Variants in CDH23 observed in about 807,000 individuals in gnomAD.
CDH23 encodes cadherin related 23, also known as cadherin-23.
In CDH23, 189 loss-of-function variants were observed where a neutral mutation model predicts 317.1. That is an observed-to-expected ratio of 0.60 (90% CI 0.53 to 0.67). CDH23 has a LOEUF of 0.67. CDH23 is among the 30% of genes least tolerant of loss of function. The pLI is 0.00. For missense variants in CDH23, 4,401 were observed against 4,592.4 expected (o/e 0.96, Z 1.20); for synonymous variants, 1,839 against 1,876.8 (o/e 0.98, Z 0.52).
At chr10:71,423,170 A>G (rs1848890822) in intron 1 of CDH23, among the ~76,000 whole-genome samples, 1 of 152,162 alleles carries the variant, frequency 6.6e-6, no homozygotes, top group African/African-American at 2.4e-5. Flanking sequence ...AGTGAAAGAG[A>G]CAGGCGTGTG....
chr10:71,812,028 C>T lies in CDH23; in HGVS notation c.9380+13C>T, dbSNP rs1285144897. On this transcript the variant is annotated intron_variant, in intron 66 of 69. Coordinates refer to ENST00000224721, the MANE Select transcript of CDH23 (RefSeq NM_022124.6). ...ACTCCTTTGATGGGTGAGTGGGGTACTGGCCCTGCCCGGTCCCCTGCGGGG... is the reference window on the plus strand; with the variant it reads ...ACTCCTTTGATGGGTGAGTGGGGTATTGGCCCTGCCCGGTCCCCTGCGGGG... The T allele has an allele frequency of 6.2e-7, 1 of 1,613,890 alleles. No individual in the cohort carries two copies. The highest frequency in any genetic ancestry group is 8.5e-7 in the Non-Finnish European group (1 of 1,179,892).
intron 69 of CDH23, among the ~76,000 whole-genome samples, chr10:71,813,752 C>CA (rs1268919253): frequency 1.3e-5 from 2 of 152,024 alleles, no homozygotes; most frequent in African/African-American, 4.8e-5. Flanking sequence ...ACTAAAAATA[C>CA]AAAAAATTAG....
intron 6 of CDH23, among the ~76,000 whole-genome samples, chr10:71,512,476 C>G (rs1854049003): frequency 6.6e-6 from 1 of 152,342 alleles, no homozygotes; most frequent in South Asian, 2.1e-4. Context: ...TGGAAGTCTC[C>G]CTAATTTAAT....
Position 71,532,046 on chromosome 10 carries a change from A to G in CDH23, c.429+20834A>G, listed in dbSNP as rs571731851. On this transcript the variant is annotated intron_variant, in intron 6 of 69. Coordinates refer to ENST00000224721, the MANE Select transcript of CDH23 (RefSeq NM_022124.6). ...CAAAAATGGGGAGTCCCTCAGAGAG[A>G]CCCCAGAGCAAAAGGTAGGAAAAGC... Among the ~76,000 whole-genome samples, 55 of 152,214 alleles carry G rather than the reference A, an allele frequency of 3.6e-4. No homozygotes were observed. In the South Asian group the frequency reaches 0.011, roughly 29 times the overall value.
In CDH23 at chr10:71,810,024, T is replaced by G; in HGVS notation, c.8927T>G (p.Ile2976Ser). ...DRVRGFEEEF[I>S]HLLSNITGAI... ...GTGCGCGGCTTCGAGGAGGAGTTCA[T>G]CCACCTGCTCTCCAACATCACTGGG... Residue 2976 changes from isoleucine (I) to serine (S), a missense_variant, in exon 61 of 70, where the codon ATC becomes AGC. Around this residue, in one of 3 missense-constraint regions of CDH23, gnomAD observed 1,144 missense variants for 1,138.2 expected, o/e 1.01. Transcript: ENST00000224721. 6.2e-7 allele frequency: 1 copy of G among 1,612,672 alleles called. No individual in the cohort carries two copies. Among genetic ancestry groups the G allele is most frequent in the Non-Finnish European group, 8.5e-7 (1 of 1,179,858 alleles).
At chr10:71,564,671 C>T (rs956360321) in intron 6 of CDH23, among the ~76,000 whole-genome samples, 6 of 152,240 alleles carry the variant, frequency 3.9e-5, no homozygotes, top group Non-Finnish European at 8.8e-5. Flanking sequence ...TCACGGGAGC[C>T]GTCCCTCTCC....
intron 36 of CDH23, among the ~76,000 whole-genome samples, chr10:71,740,034 G>A (rs915722146): frequency 1.3e-5 from 2 of 152,212 alleles, no homozygotes; most frequent in African/African-American, 4.8e-5. Context: ...GAGCCAGGAG[G>A]ATGAGGGAGA....
intron 3 of CDH23, among the ~76,000 whole-genome samples, chr10:71,496,335 ATTTT>A (rs59975648): frequency 0.013 from 2,002 of 149,232 alleles, 40 homozygotes; most frequent in African/African-American, 0.042. Flanking sequence ...AAAGCAAAAC[ATTTT>A]TTTTTTTTTT....
intron 38 of CDH23, among the ~76,000 whole-genome samples, chr10:71,760,281 GT>G (rs1840339850): frequency 1.1e-5 from 1 of 90,150 alleles, no homozygotes; most frequent in Non-Finnish European, 2.5e-5. Context: ...ATATATGTAT[GT>G]ATATATGTGT....
intron 20 of CDH23, 53 bp from the exon 21 acceptor site, chr10:71,694,094 T>A (rs1589342090): frequency 1.5e-6 from 2 of 1,333,726 alleles, no homozygotes; most frequent in Non-Finnish European, 2.2e-6. Flanking sequence ...CTTCCCTCCC[T>A]CTCTCCCTGG....
chr10:71,741,363 C>T (rs1186249992), intron 37 of CDH23, among the ~76,000 whole-genome samples: 1 of 152,140 alleles, frequency 6.6e-6, no homozygotes, highest in Non-Finnish European at 1.5e-5. Context: ...GGCCAGACTC[C>T]CTCACTTCAG....
intron 44 of CDH23, among the ~76,000 whole-genome samples, chr10:71,788,259 A>G (rs781512071): frequency 3.1e-4 from 47 of 152,004 alleles, no homozygotes; most frequent in Non-Finnish European, 5.9e-4. Context: ...CATATTGGCC[A>G]GGCTGGTCTC....
intron 14 of CDH23, among the ~76,000 whole-genome samples, chr10:71,671,844 A>G (rs747316654): frequency 9.2e-5 from 14 of 152,220 alleles, no homozygotes; most frequent in Non-Finnish European, 2.1e-4. Flanking sequence ...GGTGGGAGGT[A>G]ATGACAGTAC....
intron 3 of CDH23, among the ~76,000 whole-genome samples, chr10:71,496,928 G>A (rs1490838239): frequency 2.9e-5 from 1 of 34,230 alleles, no homozygotes; most frequent in South Asian, 5.8e-4. Context: ...GGCCCAAGAC[G>A]GAAGGGATGC....
At chr10:71,605,611 T>G (rs1008256826) in intron 9 of CDH23, among the ~76,000 whole-genome samples, 1 of 152,228 alleles carries the variant, frequency 6.6e-6, no homozygotes, top group African/African-American at 2.4e-5. Flanking sequence ...GCACATTTTT[T>G]AAGCCAAAAA....
At chr10:71,674,059 G>A (rs764306948) in intron 14 of CDH23, among the ~76,000 whole-genome samples, 9 of 152,188 alleles carry the variant, frequency 5.9e-5, no homozygotes, top group Admixed American at 2.0e-4. Flanking sequence ...AACACAAGAG[G>A]CAGCCCTATA....
intron 1 of CDH23, among the ~76,000 whole-genome samples, chr10:71,425,218 GC>G (rs1849001029): frequency 1.3e-5 from 1 of 76,132 alleles, no homozygotes; most frequent in Non-Finnish European, 2.7e-5. Context: ...TCACAGTGGG[GC>G]AGAGAGAGAG....
At chr10:71,408,130 T>A (rs1221464938) in intron 1 of CDH23, among the ~76,000 whole-genome samples, 1 of 152,232 alleles carries the variant, frequency 6.6e-6, no homozygotes, top group East Asian at 1.9e-4. Flanking sequence ...AGGAGCAATG[T>A]CTTTGCAATG....
At chr10:71,450,793 A>G (rs78348402) in intron 3 of CDH23, among the ~76,000 whole-genome samples, 2,229 of 151,758 alleles carry the variant, frequency 0.015, 52 homozygotes, top group African/African-American at 0.051. Flanking sequence ...TCCTCTCCTC[A>G]TTCTCATTCC....
Sources: allele counts gnomAD v4.1 joint callset (sites outside exome capture counted in the v4.1 genomes callset), GRCh38; gene constraint gnomAD v4.1.1; regional missense constraint gnomAD v4.1.1; transcripts MANE v1.5; gene names NCBI Gene and HGNC (gene_info 2026-07-23, HGNC 2026-07-21).